The following DENND2A variants were observed in gnomAD, a reference collection of about 807,000 sequenced individuals.
DENND2A encodes DENN domain-containing protein 2A.
In DENND2A, 53 loss-of-function variants were observed where a neutral mutation model predicts 105.3. That is an observed-to-expected ratio of 0.50 (90% CI 0.40 to 0.63). The LOEUF (loss-of-function observed/expected upper bound fraction) is 0.63. DENND2A is among the 30% of genes least tolerant of loss of function. The pLI is 0.00. For missense variants in DENND2A, 1,138 were observed against 1,279.6 expected, an observed-to-expected ratio of 0.89 and a Z score of 1.69; for synonymous variants, 522 against 508.4, an observed-to-expected ratio of 1.03 and a Z score of -0.36.
At chr7:140,576,422 C>T (rs147457314) in intron 5 of DENND2A, among the ~76,000 whole-genome samples, 40 of 152,166 alleles carry the variant, frequency 2.6e-4, no homozygotes, top group South Asian at 6.2e-4. Flanking sequence ...ATTATTCCAT[C>T]GGTAATTTAT....
intron 1 of DENND2A, among the ~76,000 whole-genome samples, chr7:140,632,797 C>T (rs1471269123): frequency 6.6e-6 from 1 of 151,062 alleles, no homozygotes; most frequent in Non-Finnish European, 1.5e-5. Flanking sequence ...CTCCTGACCT[C>T]AGGTGATCCG....
chr7:140,593,188 C>T (rs115224303), intron 3 of DENND2A, among the ~76,000 whole-genome samples: 1 of 152,150 alleles, frequency 6.6e-6, no homozygotes, highest in Non-Finnish European at 1.5e-5. Context: ...ACATTCATTC[C>T]ACATCCCGCC....
At chr7:140,586,392 C>CAA (rs1460887793) in intron 4 of DENND2A, among the ~76,000 whole-genome samples, 1 of 147,912 alleles carries the variant, frequency 6.8e-6, no homozygotes, top group Non-Finnish European at 1.5e-5. Context: ...CACACACACA[C>CAA]ACACACACAC....
rs922522144 is a variant in DENND2A, at chr7:140,519,545, C to G, written c.2998+87G>C. The G allele has an allele frequency of 2.5e-6, 3 of 1,195,346 alleles. No individual in the cohort carries two copies. In the African/African-American group the frequency reaches 4.5e-5, roughly 18 times the overall value. The allele number at this position is 1,195,346 out of a possible 1,614,324, so 74.0% of individuals were successfully genotyped here. ...GTAGAGCTCTGCATTATTCAGGGCG[C>G]TGGCTCCAGTGGAGGGAACCGGCTG... is the stretch of plus-strand genomic sequence containing the variant. On this transcript the variant is annotated intron_variant, in intron 19 of 19. Transcript: ENST00000496613.
intron 4 of DENND2A, among the ~76,000 whole-genome samples, chr7:140,586,118 C>G (rs768224941): frequency 7.9e-5 from 12 of 152,028 alleles, no homozygotes; most frequent in Non-Finnish European, 1.5e-5. Flanking sequence ...TGCAGGATAC[C>G]AGCTCTTCTC....
intron 14 of DENND2A, among the ~76,000 whole-genome samples, chr7:140,543,395 A>T (rs1405522220): frequency 6.6e-6 from 1 of 151,042 alleles, no homozygotes; most frequent in Non-Finnish European, 1.5e-5. Context: ...TCAGCCTCCT[A>T]AAGTGCGGTG....
At chr7:140,563,569 G>A (rs976183051) in intron 9 of DENND2A, among the ~76,000 whole-genome samples, 1 of 150,046 alleles carries the variant, frequency 6.7e-6, no homozygotes, top group East Asian at 2.0e-4. Context: ...AGAGAAGAGA[G>A]AGAAGGAGGA....
At chr7:140,526,959 C>T (rs559883612) in intron 15 of DENND2A, among the ~76,000 whole-genome samples, 6 of 152,270 alleles carry the variant, frequency 3.9e-5, no homozygotes, top group South Asian at 2.1e-4. Flanking sequence ...GATATGACAA[C>T]GGACCAGATC....
chr7:140,532,134 G>A (rs189923241), intron 14 of DENND2A, among the ~76,000 whole-genome samples: 85 of 152,140 alleles, frequency 5.6e-4, no homozygotes, highest in African/African-American at 1.7e-3. Flanking sequence ...ATGTGGTGGC[G>A]GGTGCCTGTA....
At chr7:140,587,596 C>T (rs879440801) in intron 4 of DENND2A, 57 bp downstream of exon 4, 2 of 1,607,938 alleles carry the variant, frequency 1.2e-6, no homozygotes, top group Non-Finnish European at 1.7e-6. Flanking sequence ...GCCCCATTCT[C>T]CCTCCCCTTT....
chr7:140,619,939 C>T (rs988082928), intron 1 of DENND2A, among the ~76,000 whole-genome samples: 1 of 151,930 alleles, frequency 6.6e-6, no homozygotes, highest in East Asian at 2.0e-4. Context: ...ACGCCTGTAA[C>T]CCCAGCACTT....
chr7:140,537,312 A>G (rs1276173402), intron 14 of DENND2A, among the ~76,000 whole-genome samples: 1 of 152,232 alleles, frequency 6.6e-6, no homozygotes, highest in Admixed American at 6.5e-5. Flanking sequence ...GTAGTTACCT[A>G]TATGTCAAAG....
intron 9 of DENND2A, among the ~76,000 whole-genome samples, chr7:140,564,999 G>A (rs1797782548): frequency 6.6e-6 from 1 of 152,222 alleles, no homozygotes; most frequent in Admixed American, 6.5e-5. Flanking sequence ...AGGTGTGATA[G>A]CTAGAGGAAG....
At chr7:140,624,868 G>GTTTTTTTTTTTTT (rs1367069950) in intron 1 of DENND2A, among the ~76,000 whole-genome samples, 50 of 109,170 alleles carry the variant, frequency 4.6e-4, no homozygotes, top group African/African-American at 1.8e-3. Context: ...GTTTTTTTTT[G>GTTTTTTTTTTTTT]TTTTTTTTTT....
intron 7 of DENND2A, 96 bp downstream of exon 7, chr7:140,569,549 T>TC: frequency 1.2e-6 from 1 of 860,676 alleles, no homozygotes; most frequent in Non-Finnish European, 2.0e-6. Context: ...CTTGTTCTCC[T>TC]CCTTGGTGAG....
At chr7:140,629,010 C>T (rs1467537147) in intron 1 of DENND2A, among the ~76,000 whole-genome samples, 2 of 152,158 alleles carry the variant, frequency 1.3e-5, no homozygotes, top group South Asian at 2.1e-4. Context: ...ACCCTATCAA[C>T]CAAATGGCAA....
intron 9 of DENND2A, among the ~76,000 whole-genome samples, chr7:140,564,167 C>T (rs186467616): frequency 2.2e-4 from 33 of 152,062 alleles, no homozygotes; most frequent in African/African-American, 8.0e-4. Flanking sequence ...CCTGTAATCC[C>T]AGCTACTCGG....
chr7:140,530,041 T>A (rs1335014510), intron 14 of DENND2A, among the ~76,000 whole-genome samples: 5 of 147,710 alleles, frequency 3.4e-5, no homozygotes, highest in Admixed American at 6.7e-5. Context: ...CTGGGCAACA[T>A]GGTGGGGCCC....
chr7:140,573,624 CA>C (rs1178237433), intron 6 of DENND2A, among the ~76,000 whole-genome samples, 183 bp downstream of exon 6: 1 of 152,112 alleles, frequency 6.6e-6, no homozygotes, highest in Non-Finnish European at 1.5e-5. Context: ...CACAGGACCA[CA>C]AAAATGATCA....
Sources: allele counts gnomAD v4.1 joint callset (sites outside exome capture counted in the v4.1 genomes callset), GRCh38; gene constraint gnomAD v4.1.1; transcripts MANE v1.5; gene names NCBI Gene and HGNC (gene_info 2026-07-23, HGNC 2026-07-21).